The following AADACL2 variants were observed in gnomAD, a reference collection of about 807,000 sequenced individuals.
AADACL2 encodes the protein arylacetamide deacetylase like 2.
Under a neutral mutation model 22.3 loss-of-function variants are expected in AADACL2, and 23 were observed. That is an observed-to-expected ratio of 1.03 (90% CI 0.74 to 1.46). The LOEUF (loss-of-function observed/expected upper bound fraction) is 1.46, where lower values mean the gene tolerates loss of function less well. Ranked by LOEUF, AADACL2 falls within the 40% of genes most tolerant of loss-of-function variation. AADACL2 has a pLI of 0.00. For synonymous variants in AADACL2, 177 were observed against 166.2 expected (o/e 1.07, Z -0.50); for missense variants, 472 against 482.9 (o/e 0.98, Z 0.21).
At chr3:151,751,311 A>G (rs891911147) in intron 4 of AADACL2, 6 of 152,200 alleles carry the variant, frequency 3.9e-5, no homozygotes, top group African/African-American at 1.2e-4. Flanking sequence ...AAGCTGTCCA[A>G]CAATTACCCA....
intron 4 of AADACL2, among the ~76,000 whole-genome samples, chr3:151,753,732 C>T (rs1261664995): frequency 6.6e-6 from 1 of 152,144 alleles, no homozygotes; most frequent in East Asian, 1.9e-4. Context: ...ATTTTGTCTA[C>T]ATCCATCCTT....
intron 3 of AADACL2, 54 bp downstream of exon 3, chr3:151,744,216 T>C: frequency 1.3e-6 from 2 of 1,533,216 alleles, no homozygotes; most frequent in Non-Finnish European, 9.0e-7. Flanking sequence ...CATGTAGAGG[T>C]TTGATTTCCA....
chr3:151,751,075 A>G (rs1291805425), intron 4 of AADACL2, among the ~76,000 whole-genome samples: 1 of 152,204 alleles, frequency 6.6e-6, no homozygotes, highest in African/African-American at 2.4e-5. Flanking sequence ...ACCATTAGAC[A>G]TGTTGATTCC....
At chr3:151,745,726 A>T in intron 4 of AADACL2, 46 bp downstream of exon 4, 4 of 1,527,118 alleles carry the variant, frequency 2.6e-6, no homozygotes, top group Non-Finnish European at 3.5e-6. Flanking sequence ...ATTGAGGCTC[A>T]TTTTTTTTCT....
chr3:151,740,620 T>C, intron 1 of AADACL2, 26 bp from the exon 2 acceptor site: 1 of 1,461,780 alleles, frequency 6.8e-7, no homozygotes, highest in Non-Finnish European at 9.4e-7. Flanking sequence ...TCTAAATATT[T>C]AATTTTGTTT....
chr3:151,749,929 C>A (rs955426926), intron 4 of AADACL2, among the ~76,000 whole-genome samples: 2 of 152,114 alleles, frequency 1.3e-5, no homozygotes, highest in African/African-American at 4.8e-5. Context: ...TTCCTGATGT[C>A]AGAGGAAAAG....
chr3:151,745,758 C>T (rs987597351), intron 4 of AADACL2, 78 bp downstream of exon 4: 19 of 1,414,188 alleles, frequency 1.3e-5, no homozygotes, highest in Non-Finnish European at 1.8e-5. Flanking sequence ...AGTTCTTCCC[C>T]CACCATTTGT....
At chr3:151,737,070 C>T (rs984466367) in intron 1 of AADACL2, among the ~76,000 whole-genome samples, 4 of 152,190 alleles carry the variant, frequency 2.6e-5, no homozygotes, top group Non-Finnish European at 5.9e-5. Context: ...AATTTCAGAT[C>T]TATTCAGCTT....
chr3:151,756,204 A>G (rs61187489), intron 4 of AADACL2, among the ~76,000 whole-genome samples: 6,296 of 152,168 alleles, frequency 0.041, 438 homozygotes, highest in African/African-American at 0.14. Context: ...GATTAATTCA[A>G]CGTTATCTCC....
chr3:151,745,461 T>C lies in AADACL2; in HGVS notation c.432-48T>C, dbSNP rs1026087396. The C allele has an allele frequency of 5.1e-6, 8 of 1,559,738 alleles. No homozygotes were observed. In the African/African-American group the frequency reaches 8.4e-5, roughly 16 times the overall value. On this transcript the variant is annotated intron_variant, in intron 3 of 4. Transcript: ENST00000356517. ...TTGCATCTATTTGGTATTTGAGAAT[T>C]AGATGGACAGATACAACCATAAATG...
chr3:151,737,189 C>T (rs960723223), intron 1 of AADACL2, among the ~76,000 whole-genome samples: 6 of 152,134 alleles, frequency 3.9e-5, no homozygotes, highest in East Asian at 3.8e-4. Context: ...GAAAGAACTT[C>T]GTTATTTCTG....
intron 1 of AADACL2, among the ~76,000 whole-genome samples, chr3:151,736,977 G>C (rs756587728): frequency 5.3e-5 from 8 of 152,044 alleles, no homozygotes; most frequent in Non-Finnish European, 1.0e-4. Context: ...TGCATCCATG[G>C]CAGCATCTGT....
chr3:151,743,846 C>G (rs1321466301), intron 2 of AADACL2, among the ~76,000 whole-genome samples: 1 of 152,108 alleles, frequency 6.6e-6, no homozygotes, highest in Non-Finnish European at 1.5e-5. Context: ...TGAGCCTATT[C>G]TAGTTGATCC....
chr3:151,745,018 A>C (rs1713392925), intron 3 of AADACL2, among the ~76,000 whole-genome samples: 1 of 152,180 alleles, frequency 6.6e-6, no homozygotes, highest in Non-Finnish European at 1.5e-5. Flanking sequence ...TTTATCTAGT[A>C]ATAACTACTG....
At chr3:151,755,249 C>T (rs1355124129) in intron 4 of AADACL2, 1 of 151,864 alleles carries the variant, frequency 6.6e-6, no homozygotes, top group Non-Finnish European at 1.5e-5. Context: ...ATCTTAGGCC[C>T]AGTAAGGGGT....
intron 4 of AADACL2, among the ~76,000 whole-genome samples, chr3:151,752,945 A>G (rs931849345): frequency 6.6e-6 from 1 of 152,168 alleles, no homozygotes. Flanking sequence ...ATGGCATCCC[A>G]TATTTCTATG....
At chr3:151,742,971 A>G (rs1713326592) in intron 2 of AADACL2, among the ~76,000 whole-genome samples, 1 of 152,058 alleles carries the variant, frequency 6.6e-6, no homozygotes, top group Non-Finnish European at 1.5e-5. Flanking sequence ...TTTGTTTTAC[A>G]TGGAAGGCTA....
rs1381485452 is a variant in AADACL2, at chr3:151,761,204, G to GAGAT, written c.*3611_*3612insGATA. Reference sequence around the variant, plus strand: ...ATATGGTGAGATATATACATATTGTGATATATATATATATATATATATATA... The same window carrying GAGAT: ...ATATGGTGAGATATATACATATTGTGAGATATATATATATATATATATATATATA... On this transcript the variant is annotated 3_prime_UTR_variant, in exon 5 of 5. Coordinates refer to ENST00000356517, the MANE Select transcript of AADACL2 (RefSeq NM_207365.4). The GAGAT allele has an allele frequency of 2.3e-5, 2 of 85,440 alleles. 1 individual carries two copies. Among genetic ancestry groups the GAGAT allele is most frequent in the Admixed American group, 2.7e-4 (2 of 7,328 alleles). The allele number at this position is 85,440 out of a possible 1,614,324, so 5.3% of individuals were successfully genotyped here. A position where few individuals can be genotyped will look rare whatever the true frequency, so the allele number is the denominator to read the frequency against.
At chr3:151,749,123 T>A (rs754470713) in intron 4 of AADACL2, among the ~76,000 whole-genome samples, 2 of 152,224 alleles carry the variant, frequency 1.3e-5, no homozygotes, top group Non-Finnish European at 2.9e-5. Flanking sequence ...CTTTGTGTAG[T>A]ATAGACATTT....
Sources: gnomAD v4.1 joint callset for allele counts (sites outside exome capture counted in the v4.1 genomes callset) on GRCh38, gnomAD v4.1.1 for gene constraint, MANE v1.5 for transcripts, NCBI Gene and HGNC (gene_info 2026-07-23, HGNC 2026-07-21) for gene names.